Variants in CTNNA3 observed in about 807,000 individuals in gnomAD.
CTNNA3 encodes the protein catenin alpha 3.
A neutral mutation model predicts 95.7 loss-of-function variants in CTNNA3; 76 were observed. The ratio of observed to expected loss-of-function variants is 0.79; its 90% CI spans 0.66 to 0.96. CTNNA3 has a LOEUF of 0.96. Ranked by LOEUF, CTNNA3 falls within the 40% of genes least tolerant of loss-of-function variation. The probability of loss-of-function intolerance (pLI) is 0.00; values close to 1 mark genes in which losing one functional copy is unlikely to be tolerated. For synonymous variants in CTNNA3, 431 were observed against 374.4 expected (o/e 1.15, Z -1.74); for missense variants, 1,191 against 1,089.8 (o/e 1.09, Z -1.31).
intron 8 of CTNNA3, among the ~76,000 whole-genome samples, chr10:66,774,139 A>G (rs1406278186): frequency 6.6e-6 from 1 of 152,178 alleles, no homozygotes; most frequent in Admixed American, 6.5e-5. Flanking sequence ...CTCTTTATGC[A>G]TAATGTTGTT....
At chr10:66,943,619 G>A (rs1450093212) in intron 7 of CTNNA3, among the ~76,000 whole-genome samples, 1 of 151,494 alleles carries the variant, frequency 6.6e-6, no homozygotes, top group Non-Finnish European at 1.5e-5. Context: ...ATATAAAGAT[G>A]TTATGTGGTA....
At chr10:67,462,907 T>A (rs1847436770) in intron 5 of CTNNA3, among the ~76,000 whole-genome samples, 1 of 147,044 alleles carries the variant, frequency 6.8e-6, no homozygotes, top group African/African-American at 2.6e-5. Flanking sequence ...TTTTTTTCTT[T>A]TTCTTTTTTT....
chr10:66,540,151 T>C (rs940691059), intron 10 of CTNNA3, among the ~76,000 whole-genome samples: 1 of 152,092 alleles, frequency 6.6e-6, no homozygotes, highest in African/African-American at 2.4e-5. Flanking sequence ...ATCCCTGAAA[T>C]AGAATATATA....
At chr10:66,606,348 T>C (rs186638379) in intron 10 of CTNNA3, among the ~76,000 whole-genome samples, 2 of 151,964 alleles carry the variant, frequency 1.3e-5, no homozygotes, top group Admixed American at 1.3e-4. Context: ...TCACTGACAG[T>C]ATTAGATCAT....
At chr10:65,924,939 C>T (rs1213600317) in intron 17 of CTNNA3, among the ~76,000 whole-genome samples, 3 of 152,122 alleles carry the variant, frequency 2.0e-5, no homozygotes, top group Non-Finnish European at 2.9e-5. Flanking sequence ...GAGACTTATT[C>T]ACCATCATGA....
At chr10:66,313,137 G>A (rs1391603086) in intron 12 of CTNNA3, among the ~76,000 whole-genome samples, 1 of 152,128 alleles carries the variant, frequency 6.6e-6, no homozygotes, top group African/African-American at 2.4e-5. Context: ...CACTTCCTAT[G>A]GGCTGGACAT....
At chr10:66,609,826 T>C (rs1004527295) in intron 10 of CTNNA3, among the ~76,000 whole-genome samples, 39 of 152,082 alleles carry the variant, frequency 2.6e-4, no homozygotes, top group Admixed American at 1.9e-3. Flanking sequence ...CTATTCACCA[T>C]AGCAAAGACA....
intron 10 of CTNNA3, among the ~76,000 whole-genome samples, chr10:66,570,771 A>G (rs889600287): frequency 5.3e-5 from 8 of 152,194 alleles, no homozygotes; most frequent in African/African-American, 1.9e-4. Flanking sequence ...AATGTTTTTT[A>G]AACCACATAA....
rs115884777 is a variant in CTNNA3 at position 66,521,040 on chromosome 10, C to A, written c.1375-267G>T. Among the ~76,000 whole-genome samples, 4,600 of 150,860 alleles carry A rather than the reference C, an allele frequency of 0.03. 239 individuals are homozygous for A. Among genetic ancestry groups the A allele is most frequent in the African/African-American group, 0.11 (4,352 of 41,248 alleles). On this transcript the variant is annotated intron_variant, in intron 10 of 17. Coordinates refer to ENST00000433211, the MANE Select transcript of CTNNA3 (RefSeq NM_013266.4). ...AGAACATTTACTCAGTGATTTATTTCAATACATTAAGTGTATTAAAATTAG... is the reference window on the plus strand; with the variant it reads ...AGAACATTTACTCAGTGATTTATTTAAATACATTAAGTGTATTAAAATTAG...
chr10:66,028,323 A>T (rs1339097889), intron 15 of CTNNA3, among the ~76,000 whole-genome samples: 1 of 152,326 alleles, frequency 6.6e-6, no homozygotes, highest in Non-Finnish European at 1.5e-5. Context: ...CACTATTCAC[A>T]ATAGCAGACT....
intron 17 of CTNNA3, among the ~76,000 whole-genome samples, chr10:65,947,661 C>T (rs915904412): frequency 6.6e-6 from 1 of 152,194 alleles, no homozygotes; most frequent in Non-Finnish European, 1.5e-5. Context: ...AAGCTCCCTA[C>T]CAACCTGTAT....
intron 13 of CTNNA3, among the ~76,000 whole-genome samples, chr10:66,221,269 A>C (rs1200220196): frequency 6.6e-6 from 1 of 152,116 alleles, no homozygotes; most frequent in African/African-American, 2.4e-5. Context: ...TTAACTCATA[A>C]ATTTTCCTAG....
chr10:66,167,508 G>C (rs2085197574), intron 13 of CTNNA3, among the ~76,000 whole-genome samples: 1 of 152,060 alleles, frequency 6.6e-6, no homozygotes, highest in Admixed American at 6.6e-5. Flanking sequence ...TTAGAAGTAG[G>C]ATCTTTAATT....
chr10:66,738,491 T>G (rs1052770715), intron 9 of CTNNA3, among the ~76,000 whole-genome samples: 1 of 152,214 alleles, frequency 6.6e-6, no homozygotes, highest in Non-Finnish European at 1.5e-5. Context: ...CTTTTCTGGT[T>G]CTTTATTGAA....
intron 3 of CTNNA3, among the ~76,000 whole-genome samples, chr10:67,547,155 G>A (rs1353154023): frequency 6.6e-6 from 1 of 152,008 alleles, no homozygotes; most frequent in Non-Finnish European, 1.5e-5. Context: ...TTAAATGTCA[G>A]CATCTTCAGA....
At chr10:67,396,107 T>G (rs1014303525) in intron 5 of CTNNA3, among the ~76,000 whole-genome samples, 1 of 152,168 alleles carries the variant, frequency 6.6e-6, no homozygotes, top group African/African-American at 2.4e-5. Context: ...AGATGATTAC[T>G]GTAACCAAAA....
intron 5 of CTNNA3, among the ~76,000 whole-genome samples, chr10:67,393,472 C>T (rs914354111): frequency 2.0e-5 from 3 of 152,044 alleles, no homozygotes; most frequent in Admixed American, 1.3e-4. Context: ...GGTCAGCATA[C>T]ATGTGTGGTG....
intron 1 of CTNNA3, among the ~76,000 whole-genome samples, chr10:67,749,544 A>G (rs1342399578): frequency 6.6e-6 from 1 of 152,212 alleles, no homozygotes; most frequent in Non-Finnish European, 1.5e-5. Context: ...AAATTGAACA[A>G]CCTGCTCCGA....
intron 11 of CTNNA3, among the ~76,000 whole-genome samples, chr10:66,448,013 G>A (rs547573810): frequency 4.4e-4 from 67 of 152,194 alleles, no homozygotes; most frequent in African/African-American, 1.3e-3. Context: ...AAAAGTGGGC[G>A]AAGGATATGA....
Sources: gnomAD v4.1 joint callset for allele counts (sites outside exome capture counted in the v4.1 genomes callset) on GRCh38, gnomAD v4.1.1 for gene constraint, MANE v1.5 for transcripts, NCBI Gene and HGNC (gene_info 2026-07-23, HGNC 2026-07-21) for gene names.